The following C1orf105 variants were observed in gnomAD, a reference collection of about 807,000 sequenced individuals.
The protein encoded by C1orf105 is chromosome 1 open reading frame 105, also known as uncharacterized protein C1orf105.
C1orf105 carries 17 observed loss-of-function variants against 20.8 expected under a neutral mutation model. The observed-to-expected ratio is 0.82, with a 90% CI of 0.56 to 1.23. The LOEUF is 1.23. Ranked by LOEUF, C1orf105 falls within the 50% of genes most tolerant of loss-of-function variation. C1orf105 has a pLI of 0.00. For synonymous variants in C1orf105, 72 were observed against 72.1 expected, an observed-to-expected ratio of 1.00 and a Z score of 0.01; for missense variants, 219 against 213.5, an observed-to-expected ratio of 1.03 and a Z score of -0.16.
At chr1:172,436,124 A>G (rs12023424) in intron 1 of C1orf105, among the ~76,000 whole-genome samples, 13,513 of 152,294 alleles carry the variant, frequency 0.089, 777 homozygotes, top group East Asian at 0.21. Context: ...TTCCATGTTC[A>G]TGGATAGGAA....
intron 3 of C1orf105, chr1:172,453,325 T>A: frequency 8.8e-7 from 1 of 1,135,714 alleles, no homozygotes; most frequent in African/African-American, 1.6e-5. Context: ...TTGGAGAGTT[T>A]ATATGATTGA....
intron 1 of C1orf105, chr1:172,428,853 T>C (rs1418730436): frequency 2.9e-6 from 2 of 694,398 alleles, no homozygotes; most frequent in African/African-American, 3.5e-5. Context: ...AAAATATTTA[T>C]TGACAATAAA....
intron 1 of C1orf105, chr1:172,443,682 T>C (rs1573857794): frequency 6.0e-6 from 1 of 167,136 alleles, no homozygotes; most frequent in Admixed American, 6.5e-5. Flanking sequence ...AAATATTGCT[T>C]GGCAAGCCAG....
At chr1:172,425,693 G>A (rs745710783) in intron 1 of C1orf105, among the ~76,000 whole-genome samples, 2 of 152,092 alleles carry the variant, frequency 1.3e-5, no homozygotes, top group Admixed American at 6.6e-5. Context: ...TTAGAAGTTT[G>A]CACTGTTCTG....
Position 172,462,182 on chromosome 1 carries a change from A to G in C1orf105, c.278A>G (p.Gln93Arg), listed in dbSNP as rs902579999. 3.1e-6 allele frequency: 5 copies of G among 1,608,176 alleles called. No homozygotes were observed. The highest frequency in any genetic ancestry group is 4.2e-6 in the Non-Finnish European group (5 of 1,176,944). ...CSTCQEMKMV[Q>R]PRTMKIPDDP... ...AAATGAGACTTTCTTCTTGAGGTAC[A>G]ACCAAGAACAATGAAAATCCCAGAT... Residue 93 changes from glutamine (Q) to arginine (R), a missense_variant, in exon 5 of 7, where the codon CAA (glutamine) becomes CGA (arginine). Gln to Arg is a conservative substitution (Grantham distance 43, BLOSUM62 1). Coordinates refer to ENST00000367727, the MANE Select transcript of C1orf105 (RefSeq NM_139240.4).
intron 3 of C1orf105, chr1:172,452,929 G>C (rs973991431): frequency 4.6e-6 from 7 of 1,522,308 alleles, no homozygotes; most frequent in African/African-American, 2.8e-5. Flanking sequence ...TTGCTGCTGA[G>C]CTGGTCGTAA....
At chr1:172,426,298 C>T (rs1315213650) in intron 1 of C1orf105, among the ~76,000 whole-genome samples, 1 of 152,132 alleles carries the variant, frequency 6.6e-6, no homozygotes, top group Non-Finnish European at 1.5e-5. Context: ...GTTTTGTTTT[C>T]AGACCATTCT....
chr1:172,456,233 C>G (rs1649226351), intron 3 of C1orf105, among the ~76,000 whole-genome samples, 182 bp from the exon 4 acceptor site: 1 of 152,210 alleles, frequency 6.6e-6, no homozygotes, highest in Non-Finnish European at 1.5e-5. Flanking sequence ...TCGGTACCTA[C>G]CAGCTGCAGC....
intron 1 of C1orf105, chr1:172,442,535 C>G: frequency 6.2e-7 from 1 of 1,614,158 alleles, no homozygotes; most frequent in Non-Finnish European, 8.5e-7. Flanking sequence ...AATCGCCGGT[C>G]CACATAGTTA....
At chr1:172,433,632 C>G (rs904744866) in intron 1 of C1orf105, among the ~76,000 whole-genome samples, 2 of 152,168 alleles carry the variant, frequency 1.3e-5, no homozygotes, top group Non-Finnish European at 2.9e-5. Context: ...ACAACTGGTA[C>G]CAGCCACTGC....
At chr1:172,423,208 C>T (rs903133318) in intron 1 of C1orf105, among the ~76,000 whole-genome samples, 36 of 152,192 alleles carry the variant, frequency 2.4e-4, no homozygotes, top group African/African-American at 3.9e-4. Flanking sequence ...CAGGTCTGAC[C>T]CAGGGCAGTC....
chr1:172,444,846 C>T (rs1355886152), intron 1 of C1orf105, among the ~76,000 whole-genome samples: 1 of 152,250 alleles, frequency 6.6e-6, no homozygotes, highest in Non-Finnish European at 1.5e-5. Context: ...TTTACTAGCT[C>T]AGTGACTCAA....
intron 1 of C1orf105, among the ~76,000 whole-genome samples, chr1:172,439,407 T>C (rs1044844300): frequency 6.6e-6 from 1 of 152,210 alleles, no homozygotes; most frequent in Non-Finnish European, 1.5e-5. Context: ...CTCTGGCACA[T>C]ACTGTTCATT....
chr1:172,432,209 C>T (rs146590215), intron 1 of C1orf105, among the ~76,000 whole-genome samples: 111 of 152,344 alleles, frequency 7.3e-4, no homozygotes, highest in African/African-American at 2.5e-3. Flanking sequence ...ACTTAAACGT[C>T]CCTGTGTGAC....
chr1:172,468,629 G>A lies in C1orf105; in HGVS notation c.*35G>A, dbSNP rs1244963912. ...GCTCATCACCTCCCAGACTCCCAGA[G>A]AGAAAATAACCTCGCCAAGCCAATC... On this transcript the variant is annotated 3_prime_UTR_variant, in exon 7 of 7. Transcript: ENST00000367727. 1.3e-6 allele frequency: 2 copies of A among 1,593,922 alleles called. No homozygotes were observed. The highest frequency in any genetic ancestry group is 3.5e-5 in the Admixed American group (2 of 57,964).
chr1:172,448,616 C>T, intron 3 of C1orf105, 85 bp downstream of exon 3: 1 of 771,406 alleles, frequency 1.3e-6, no homozygotes, highest in East Asian at 2.5e-5. Flanking sequence ...CTCCTTAGCA[C>T]AGCCCTGTGC....
At chr1:172,445,986 C>T (rs536261238) in intron 2 of C1orf105, among the ~76,000 whole-genome samples, 1 of 152,318 alleles carries the variant, frequency 6.6e-6, no homozygotes, top group South Asian at 2.1e-4. Context: ...ATGTACCCTC[C>T]TGCCCATGGA....
chr1:172,432,011 CTG>C (rs1398839278), intron 1 of C1orf105, among the ~76,000 whole-genome samples: 1 of 152,204 alleles, frequency 6.6e-6, no homozygotes, highest in Non-Finnish European at 1.5e-5. Context: ...TGAAATCAAA[CTG>C]TGAGGCAGCA....
At chr1:172,422,950 A>G (rs531316987) in intron 1 of C1orf105, among the ~76,000 whole-genome samples, 80 of 152,312 alleles carry the variant, frequency 5.3e-4, no homozygotes, top group African/African-American at 1.9e-3. Flanking sequence ...TTCGGGTGCC[A>G]GGTCAGCCAC....
Sources: gnomAD v4.1 joint callset for allele counts (sites outside exome capture counted in the v4.1 genomes callset) on GRCh38, gnomAD v4.1.1 for gene constraint, MANE v1.5 for transcripts, NCBI Gene and HGNC (gene_info 2026-07-23, HGNC 2026-07-21) for gene names.